Variants in GPR141 observed in about 807,000 individuals in gnomAD.
GPR141 encodes probable G protein-coupled receptor 141.
Under a neutral mutation model 6.8 loss-of-function variants are expected in GPR141, and 6 were observed. The ratio of observed to expected loss-of-function variants is 0.88; its 90% CI spans 0.48 to 1.74. GPR141 has a LOEUF of 1.74. GPR141 is among the 40% of genes most tolerant of loss of function. GPR141 has a pLI of 0.01. For synonymous variants in GPR141, 140 were observed against 142.3 expected (o/e 0.98, Z 0.11); for missense variants, 372 against 372.9 (o/e 1.00, Z 0.02).
At chr7:37,718,955 G>A (rs940292160) in intron 2 of GPR141, among the ~76,000 whole-genome samples, 2 of 152,252 alleles carry the variant, frequency 1.3e-5, no homozygotes, top group Admixed American at 6.5e-5. Context: ...GTGTGTGCGT[G>A]TATATGTGTT....
chr7:37,710,595 C>T (rs1450378812), intron 2 of GPR141, among the ~76,000 whole-genome samples: 1 of 152,138 alleles, frequency 6.6e-6, no homozygotes, highest in African/African-American at 2.4e-5. Context: ...GAATTGGGTT[C>T]CACACAAGAT....
At chr7:37,700,084 T>C (rs976117261) in intron 2 of GPR141, among the ~76,000 whole-genome samples, 1 of 152,218 alleles carries the variant, frequency 6.6e-6, no homozygotes, top group East Asian at 1.9e-4. Context: ...CATCCAGATA[T>C]TGTGGTAGAG....
intron 2 of GPR141, among the ~76,000 whole-genome samples, chr7:37,687,249 C>A (rs1003452685): frequency 6.6e-6 from 1 of 151,998 alleles, no homozygotes; most frequent in Non-Finnish European, 1.5e-5. Flanking sequence ...TAAAGGAAAT[C>A]CAATCTATAA....
At chr7:37,718,240 A>T (rs921242280) in intron 2 of GPR141, among the ~76,000 whole-genome samples, 1 of 152,174 alleles carries the variant, frequency 6.6e-6, no homozygotes, top group African/African-American at 2.4e-5. Context: ...TAAGTGCTAT[A>T]AAGAAATTAA....
At chr7:37,733,646 T>G (rs1264610226) in intron 2 of GPR141, among the ~76,000 whole-genome samples, 1 of 129,480 alleles carries the variant, frequency 7.7e-6, no homozygotes, top group Non-Finnish European at 1.6e-5. Context: ...CACTCCAGCC[T>G]GGGTGACAGA....
chr7:37,706,925 C>T (rs1221723067), intron 2 of GPR141, among the ~76,000 whole-genome samples: 2 of 152,092 alleles, frequency 1.3e-5, no homozygotes, highest in Non-Finnish European at 2.9e-5. Context: ...TGGTGGCTTT[C>T]CCTCTTCTCT....
intron 2 of GPR141, among the ~76,000 whole-genome samples, chr7:37,700,495 T>C (rs988038741): frequency 2.6e-5 from 4 of 152,196 alleles, no homozygotes; most frequent in Non-Finnish European, 5.9e-5. Flanking sequence ...AGGCATATCA[T>C]GAGAGAGATT....
intron 2 of GPR141, among the ~76,000 whole-genome samples, chr7:37,699,233 C>T (rs1048289569): frequency 6.6e-6 from 1 of 152,090 alleles, no homozygotes; most frequent in African/African-American, 2.4e-5. Context: ...ACCCAACTGG[C>T]AATGTAGTGA....
intron 2 of GPR141, among the ~76,000 whole-genome samples, chr7:37,702,156 T>C (rs1810304270): frequency 6.6e-6 from 1 of 152,210 alleles, no homozygotes; most frequent in African/African-American, 2.4e-5. Flanking sequence ...GCCTTCTAAG[T>C]AATTTTTAGA....
chr7:37,711,220 C>T (rs755748118), intron 2 of GPR141, among the ~76,000 whole-genome samples: 9 of 152,054 alleles, frequency 5.9e-5, no homozygotes, highest in Non-Finnish European at 7.4e-5. Flanking sequence ...TTCTTAAAAC[C>T]CAATTGCTGA....
chr7:37,698,240 T>G (rs914861529), intron 2 of GPR141, among the ~76,000 whole-genome samples: 6 of 152,148 alleles, frequency 3.9e-5, no homozygotes, highest in African/African-American at 1.4e-4. Context: ...CTAACTCAAA[T>G]GAAAATTGTG....
At chr7:37,734,751 T>C (rs763199539) in intron 2 of GPR141, among the ~76,000 whole-genome samples, 27 of 152,186 alleles carry the variant, frequency 1.8e-4, no homozygotes, top group Non-Finnish European at 7.3e-5. Context: ...AAAACTTCCC[T>C]AAAGAACTGA....
intron 2 of GPR141, among the ~76,000 whole-genome samples, chr7:37,692,460 T>C (rs920837366): frequency 6.6e-6 from 1 of 152,202 alleles, no homozygotes; most frequent in East Asian, 1.9e-4. Context: ...TAAACATACA[T>C]GTACATGTGT....
chr7:37,705,206 T>A (rs975648594), intron 2 of GPR141, among the ~76,000 whole-genome samples: 1 of 152,232 alleles, frequency 6.6e-6, no homozygotes, highest in Admixed American at 6.5e-5. Flanking sequence ...GGCCTCAATC[T>A]GCAACTTTAG....
At chr7:37,722,043 T>G (rs1279947515) in intron 2 of GPR141, among the ~76,000 whole-genome samples, 2 of 152,196 alleles carry the variant, frequency 1.3e-5, no homozygotes, top group African/African-American at 2.4e-5. Context: ...TTTAAGGAAA[T>G]ATTTCATGTC....
intron 2 of GPR141, among the ~76,000 whole-genome samples, chr7:37,689,618 C>T (rs529912166): frequency 8.4e-4 from 127 of 152,024 alleles, no homozygotes; most frequent in African/African-American, 2.9e-3. Context: ...TTGAGTCAGT[C>T]TTGGTAGGGT....
chr7:37,692,599 T>A lies in GPR141; in HGVS notation c.-15+7016T>A, dbSNP rs186409583. Reference sequence around the variant, plus strand: ...CTGTCTTCCACAATGGTTGAAATAATTTACACTCCTACCAACAGTGTAAAA... The same window carrying A: ...CTGTCTTCCACAATGGTTGAAATAAATTACACTCCTACCAACAGTGTAAAA... On this transcript the variant is annotated intron_variant, in intron 2 of 2. Transcript: ENST00000334425. Among the ~76,000 whole-genome samples, 37 of 152,310 alleles carry A rather than the reference T, an allele frequency of 2.4e-4. No homozygotes were observed. In the East Asian group the frequency reaches 7.1e-3, roughly 29 times the overall value.
chr7:37,739,493 A>G (rs903916005), intron 2 of GPR141, among the ~76,000 whole-genome samples: 6 of 152,204 alleles, frequency 3.9e-5, no homozygotes, highest in Non-Finnish European at 5.9e-5. Context: ...AAGGCTATCA[A>G]TCTTTATCGT....
chr7:37,710,775 A>G (rs541981146), intron 2 of GPR141, among the ~76,000 whole-genome samples: 5 of 152,334 alleles, frequency 3.3e-5, no homozygotes, highest in African/African-American at 1.2e-4. Flanking sequence ...AAGTAATAGG[A>G]GGGTATTTTT....
Sources: allele counts gnomAD v4.1 joint callset (sites outside exome capture counted in the v4.1 genomes callset), GRCh38; gene constraint gnomAD v4.1.1; transcripts MANE v1.5; gene names NCBI Gene and HGNC (gene_info 2026-07-23, HGNC 2026-07-21).